IGFL2: variants seen among roughly 807,000 people sequenced by gnomAD.
IGFL2 encodes the protein IGF like family member 2.
In IGFL2, 7 loss-of-function variants were observed where a neutral mutation model predicts 13.9. That is an observed-to-expected ratio of 0.51 (90% confidence interval 0.29 to 0.95). The LOEUF is 0.95. IGFL2 is among the 40% of genes least tolerant of loss of function. The probability of loss-of-function intolerance (pLI) is 0.08; values close to 1 mark genes in which losing one functional copy is unlikely to be tolerated. For synonymous variants in IGFL2, 55 were observed against 55.8 expected (o/e 0.99, Z 0.07); for missense variants, 138 against 147.8 (o/e 0.93, Z 0.34).
At chr19:46,146,829 T>A (rs374668306), upstream of IGFL2, among the ~76,000 whole-genome samples, 15 of 152,308 alleles carry the variant, frequency 9.8e-5, no homozygotes, top group East Asian at 1.5e-3. Flanking sequence ...CCAGAACTCT[T>A]CTACTAACAA....
chr19:46,199,347 T>C, the IGFL2 span, among the ~76,000 whole-genome samples: 1 of 152,200 alleles, frequency 6.6e-6, no homozygotes, highest in South Asian at 2.1e-4. Context: ...TTCCAACCCC[T>C]GAGGATCAGT....
At chr19:46,210,851 C>A in the IGFL2 span, among the ~76,000 whole-genome samples, 2 of 152,194 alleles carry the variant, frequency 1.3e-5, no homozygotes, top group Non-Finnish European at 2.9e-5. Context: ...CAGTACTAAC[C>A]ATCACAGAGG....
the IGFL2 span, chr19:46,123,831 G>T: frequency 2.0e-6 from 3 of 1,538,312 alleles, no homozygotes; most frequent in Non-Finnish European, 2.6e-6. Context: ...CAAGCCCTCT[G>T]TATCCCTCAT....
chr19:46,099,087 G>C, the IGFL2 span, among the ~76,000 whole-genome samples: 1 of 152,154 alleles, frequency 6.6e-6, no homozygotes, highest in Non-Finnish European at 1.5e-5. Flanking sequence ...ATGAAGCTTA[G>C]TTTAGCCAAA....
chr19:46,137,507 C>G, the IGFL2 span: 1 of 1,131,484 alleles, frequency 8.8e-7, no homozygotes, highest in Non-Finnish European at 1.3e-6. Flanking sequence ...CCTTCTCTTG[C>G]CTGAGCCAGA....
At chr19:46,142,535 A>G (rs1355211866), upstream of IGFL2, among the ~76,000 whole-genome samples, 5 of 152,222 alleles carry the variant, frequency 3.3e-5, no homozygotes, top group Non-Finnish European at 5.9e-5. Context: ...TCTGCAATGA[A>G]AAAACAATGC....
upstream of IGFL2, among the ~76,000 whole-genome samples, chr19:46,142,784 C>A (rs971813136): frequency 6.6e-6 from 1 of 152,324 alleles, no homozygotes; most frequent in African/African-American, 2.4e-5. Flanking sequence ...ACTCTGCATC[C>A]TTTTGCGTGT....
the IGFL2 span, among the ~76,000 whole-genome samples, chr19:46,120,597 A>G: frequency 6.6e-6 from 1 of 150,924 alleles, no homozygotes; most frequent in Non-Finnish European, 1.5e-5. Context: ...TCAAAATGCC[A>G]GATAAAGAAT....
chr19:46,199,865 C>T, the IGFL2 span, among the ~76,000 whole-genome samples: 1 of 152,312 alleles, frequency 6.6e-6, no homozygotes, highest in Non-Finnish European at 1.5e-5. Flanking sequence ...CTGCACCCTT[C>T]TTCATTCCTT....
the IGFL2 span, among the ~76,000 whole-genome samples, chr19:46,187,872 AGGTTGTGCTGCTGGTGTGTGCTACCT>A: frequency 6.7e-6 from 1 of 148,492 alleles, no homozygotes; most frequent in Non-Finnish European, 1.5e-5. Flanking sequence ...TTTAAACCTG[AGGTTGTGCTGCTGGTGTGTGCTACCT>A]GATCAGAGAC....
upstream of IGFL2, among the ~76,000 whole-genome samples, chr19:46,138,439 A>G (rs1972701916): frequency 1.3e-5 from 2 of 152,128 alleles, no homozygotes. Flanking sequence ...CAACACTCCA[A>G]CGTGGGGTGT....
At chr19:46,181,745 G>C in the IGFL2 span, among the ~76,000 whole-genome samples, 1 of 152,230 alleles carries the variant, frequency 6.6e-6, no homozygotes, top group East Asian at 1.9e-4. Context: ...AGACGGGTTT[G>C]AGGAGTTTCT....
the IGFL2 span, among the ~76,000 whole-genome samples, chr19:46,121,394 G>GAAA: frequency 5.6e-5 from 7 of 124,422 alleles, no homozygotes; most frequent in African/African-American, 1.5e-4. Context: ...ATCCTGTCTT[G>GAAA]AAAAAAAAAA....
the IGFL2 span, among the ~76,000 whole-genome samples, chr19:46,131,111 ATTTTC>A: frequency 2.0e-5 from 3 of 152,090 alleles, no homozygotes; most frequent in Non-Finnish European, 4.4e-5. Context: ...GTCTAAGTTA[ATTTTC>A]TTGCTAATGA....
chr19:46,202,536 A>T, the IGFL2 span: 1 of 152,232 alleles, frequency 6.6e-6, no homozygotes, highest in Non-Finnish European at 1.5e-5. Flanking sequence ...GGTACTTGCC[A>T]TCCAGGGGAG....
chr19:46,185,796 G>T, the IGFL2 span, among the ~76,000 whole-genome samples: 1 of 152,250 alleles, frequency 6.6e-6, no homozygotes, highest in South Asian at 2.1e-4. Flanking sequence ...TCCATGAAAT[G>T]GGTTTGATTT....
chr19:46,107,040 G>A, the IGFL2 span, among the ~76,000 whole-genome samples: 14 of 152,148 alleles, frequency 9.2e-5, no homozygotes, highest in Non-Finnish European at 2.1e-4. Flanking sequence ...AAGGTAACTG[G>A]GCAAGTGGGG....
At chr19:46,208,486 G>A in the IGFL2 span, 1 of 152,234 alleles carries the variant, frequency 6.6e-6, no homozygotes, top group African/African-American at 2.4e-5. Flanking sequence ...TTCTCTCGGA[G>A]GAATAGAAAC....
chr19:46,190,945 G>A, the IGFL2 span, among the ~76,000 whole-genome samples: 1 of 152,144 alleles, frequency 6.6e-6, no homozygotes, highest in African/African-American at 2.4e-5. Context: ...AGGAACACCA[G>A]GAATGATTGA....
Sources: allele counts gnomAD v4.1 joint callset (sites outside exome capture counted in the v4.1 genomes callset), GRCh38; gene constraint gnomAD v4.1.1; transcripts MANE v1.5; gene names NCBI Gene and HGNC (gene_info 2026-07-23, HGNC 2026-07-21).